Variants in FRMD4A observed in about 807,000 individuals in gnomAD.
FRMD4A encodes FERM domain-containing protein 4A.
Under a neutral mutation model 129.1 loss-of-function variants are expected in FRMD4A, and 29 were observed. The ratio of observed to expected loss-of-function variants is 0.22; its 90% CI spans 0.17 to 0.31. The LOEUF (loss-of-function observed/expected upper bound fraction) is 0.31. FRMD4A is among the 10% of genes least tolerant of loss of function. FRMD4A has a pLI of 1.00. For synonymous variants in FRMD4A, 634 were observed against 571.6 expected (o/e 1.11, Z -1.56); for missense variants, 1,272 against 1,375.8 (o/e 0.92, Z 1.19).
chr10:13,839,287 T>G (rs1020950967), intron 3 of FRMD4A, among the ~76,000 whole-genome samples: 4 of 152,226 alleles, frequency 2.6e-5, no homozygotes, highest in Non-Finnish European at 5.9e-5. Flanking sequence ...ATTACAGGTG[T>G]GAGCCACCAC....
chr10:14,252,261 T>C (rs900033232), intron 2 of FRMD4A, among the ~76,000 whole-genome samples: 1 of 152,218 alleles, frequency 6.6e-6, no homozygotes, highest in Non-Finnish European at 1.5e-5. Flanking sequence ...TTTCCTTACC[T>C]AACTACAGGA....
chr10:14,318,035 G>C (rs1846813615), intron 2 of FRMD4A, among the ~76,000 whole-genome samples: 1 of 152,160 alleles, frequency 6.6e-6, no homozygotes. Flanking sequence ...CTCAGTAATT[G>C]TAGAGAATAG....
chr10:14,319,039 C>T lies in FRMD4A; in HGVS notation c.45+11019G>A, dbSNP rs1055601077. Among the ~76,000 whole-genome samples the T allele has an allele frequency of 3.3e-5, 5 of 152,320 alleles. No homozygotes were observed. In the Middle Eastern group the frequency reaches 0.014, roughly 414 times the overall value. On this transcript the variant is annotated intron_variant, in intron 2 of 24. Transcript: ENST00000357447. ...AGCCATATTTTGAGGTGGCCCACAT[C>T]ATGTGGGGAGACTCTAACGTTATGG...
intron 2 of FRMD4A, among the ~76,000 whole-genome samples, chr10:14,306,563 C>T (rs776455401): frequency 2.2e-4 from 33 of 152,292 alleles, no homozygotes; most frequent in Admixed American, 3.9e-4. Flanking sequence ...ATATGAAAAA[C>T]ACAGGCCCTC....
chr10:13,815,746 T>C (rs558866763), intron 3 of FRMD4A, among the ~76,000 whole-genome samples: 1 of 152,324 alleles, frequency 6.6e-6, no homozygotes, highest in South Asian at 2.1e-4. Flanking sequence ...ACCAGTGCAC[T>C]GACATTATGG....
intron 3 of FRMD4A, among the ~76,000 whole-genome samples, chr10:13,823,501 A>G (rs1472022154): frequency 6.6e-6 from 1 of 152,264 alleles, no homozygotes; most frequent in Non-Finnish European, 1.5e-5. Flanking sequence ...TGAGATATTT[A>G]TAGAAAATAT....
chr10:13,776,201 T>C (rs1413993677), intron 6 of FRMD4A, among the ~76,000 whole-genome samples: 1 of 152,176 alleles, frequency 6.6e-6, no homozygotes, highest in Non-Finnish European at 1.5e-5. Context: ...ACCTCCGCCT[T>C]TGGGGCTCAG....
intron 2 of FRMD4A, among the ~76,000 whole-genome samples, chr10:14,011,476 T>A (rs898991387): frequency 6.6e-6 from 1 of 152,122 alleles, no homozygotes; most frequent in Non-Finnish European, 1.5e-5. Flanking sequence ...TGCTGAAGCC[T>A]TCATCCATGG....
At chr10:14,030,875 A>C (rs967837508) in intron 2 of FRMD4A, among the ~76,000 whole-genome samples, 1 of 152,128 alleles carries the variant, frequency 6.6e-6, no homozygotes, top group Non-Finnish European at 1.5e-5. Context: ...CAAAGCCTCT[A>C]TTCCTCTGCA....
intron 2 of FRMD4A, among the ~76,000 whole-genome samples, chr10:14,001,340 G>C (rs1014607045): frequency 1.3e-5 from 2 of 152,196 alleles, no homozygotes; most frequent in African/African-American, 4.8e-5. Flanking sequence ...GGCATGACGA[G>C]GGGACAAGCT....
At chr10:14,206,286 G>A (rs1359860276) in intron 2 of FRMD4A, among the ~76,000 whole-genome samples, 3 of 152,150 alleles carry the variant, frequency 2.0e-5, no homozygotes, top group Non-Finnish European at 4.4e-5. Flanking sequence ...AACCCAGTCA[G>A]CACTTAAGTT....
intron 2 of FRMD4A, among the ~76,000 whole-genome samples, chr10:14,089,474 G>T (rs1027669795): frequency 6.6e-6 from 1 of 152,052 alleles, no homozygotes; most frequent in Non-Finnish European, 1.5e-5. Flanking sequence ...AGCATGCTGG[G>T]CACAGGGCCA....
At position 14,127,507 on chromosome 10, in the gene FRMD4A, A is replaced by G. The variant is rs149577948; in HGVS notation, c.45+202551T>C. On this transcript the variant is annotated intron_variant, in intron 2 of 24. Coordinates refer to ENST00000357447, the MANE Select transcript of FRMD4A (RefSeq NM_018027.5). ...AAGAGGCCCTTTAAGGGAGCATTGA[A>G]TAAGATGGCACTACAGCTAGACGGC... Among the ~76,000 whole-genome samples the G allele has an allele frequency of 1.8e-3, 268 of 152,260 alleles. 1 individual carries two copies. Among genetic ancestry groups the G allele is most frequent in the Admixed American group, 5.0e-3 (77 of 15,296 alleles).
chr10:14,194,041 T>C (rs866997943), intron 2 of FRMD4A, among the ~76,000 whole-genome samples: 7 of 152,230 alleles, frequency 4.6e-5, no homozygotes, highest in Admixed American at 1.3e-4. Flanking sequence ...TAACTAGCTA[T>C]ACATGTTGGC....
intron 6 of FRMD4A, among the ~76,000 whole-genome samples, chr10:13,769,818 T>G (rs1482490428): frequency 6.6e-6 from 1 of 152,198 alleles, no homozygotes; most frequent in Non-Finnish European, 1.5e-5. Flanking sequence ...TGTCCCTTGC[T>G]TTTTGAGCTG....
At chr10:13,695,744 C>A (rs1190503186) in intron 14 of FRMD4A, among the ~76,000 whole-genome samples, 3 of 152,212 alleles carry the variant, frequency 2.0e-5, no homozygotes, top group African/African-American at 7.2e-5. Flanking sequence ...GTCTTTCCCA[C>A]ACAGGAGAAA....
chr10:13,932,151 G>T (rs906656683), intron 2 of FRMD4A, among the ~76,000 whole-genome samples: 7 of 152,222 alleles, frequency 4.6e-5, no homozygotes, highest in African/African-American at 1.7e-4. Context: ...CATTGACCAA[G>T]TCTAAGTTTT....
intron 2 of FRMD4A, among the ~76,000 whole-genome samples, chr10:13,904,992 C>CAAAAAAA (rs397772526): frequency 3.0e-4 from 33 of 109,380 alleles, no homozygotes; most frequent in East Asian, 1.0e-3. Flanking sequence ...GACTCTATCT[C>CAAAAAAA]AAAAAAAAAA....
chr10:13,954,379 G>A (rs2095394991), intron 2 of FRMD4A, among the ~76,000 whole-genome samples: 1 of 152,186 alleles, frequency 6.6e-6, no homozygotes, highest in Admixed American at 6.5e-5. Flanking sequence ...GCAAGAGAGA[G>A]CGTGTGCGGG....
Sources: gnomAD v4.1 joint callset for allele counts (sites outside exome capture counted in the v4.1 genomes callset) on GRCh38, gnomAD v4.1.1 for gene constraint, MANE v1.5 for transcripts, NCBI Gene and HGNC (gene_info 2026-07-23, HGNC 2026-07-21) for gene names.